The following IL31RA variants were observed in gnomAD, a reference collection of about 807,000 sequenced individuals.
IL31RA encodes the protein interleukin-31 receptor subunit alpha.
In IL31RA, 66 loss-of-function variants were observed where a neutral mutation model predicts 83.7. That is an observed-to-expected ratio of 0.79 (90% CI 0.65 to 0.97). IL31RA has a LOEUF of 0.97. Among genes scored for constraint, IL31RA ranks in the 50% least tolerant of loss-of-function variants. The probability of loss-of-function intolerance (pLI) is 0.00; values close to 1 mark genes in which losing one functional copy is unlikely to be tolerated. For missense variants in IL31RA, 798 were observed against 919.4 expected (o/e 0.87, Z 1.71); for synonymous variants, 325 against 329.0 (o/e 0.99, Z 0.13).
In IL31RA at chr5:55,853,136, A is replaced by C. The variant is rs1006149598; in HGVS notation, c.63+1503A>C. On this transcript the variant is annotated intron_variant, in intron 1 of 14. Transcript: ENST00000652347. Reference sequence around the variant, plus strand: ...TCTCCTTCATTGTCTAAAGACAGTTAACATGATTGCGTATTTCTCATTTCA... The same window carrying C: ...TCTCCTTCATTGTCTAAAGACAGTTCACATGATTGCGTATTTCTCATTTCA... Among the ~76,000 whole-genome samples, 11 of 152,330 alleles carry C rather than the reference A, an allele frequency of 7.2e-5. 1 individual carries two copies. The highest frequency in any genetic ancestry group is 6.8e-3 in the Middle Eastern group (2 of 294).
At chr5:55,865,277 C>A (rs761415062) in intron 2 of IL31RA, among the ~76,000 whole-genome samples, 1 of 152,184 alleles carries the variant, frequency 6.6e-6, no homozygotes, top group Non-Finnish European at 1.5e-5. Context: ...TTTCAGCATG[C>A]AAGTAGCAAA....
Position 55,916,876 on chromosome 5 carries a change from A to G in IL31RA, c.2051A>G (p.Lys684Arg), listed in dbSNP as rs1009185536. The change falls in exon 15 of 15, where the codon AAA (lysine) becomes AGA (arginine). Residue 684 changes from lysine (K) to arginine (R), a missense_variant. Lys to Arg is a conservative substitution (Grantham distance 26). Coordinates refer to ENST00000652347, the MANE Select transcript of IL31RA (RefSeq NM_139017.7). ...TTCAGGCCTGATTGTCCCCTGGGGA[A>G]AAGTTTTGAGGAGCTCCCAGTTTCA... ...CPFRPDCPLG[K>R]SFEELPVSPE... 5.6e-6 allele frequency: 9 copies of G among 1,614,176 alleles called. No individual in the cohort carries two copies. The highest frequency in any genetic ancestry group is 7.6e-6 in the Non-Finnish European group (9 of 1,180,026).
chr5:55,888,385 G>A (rs960940826), intron 5 of IL31RA, among the ~76,000 whole-genome samples: 2 of 152,158 alleles, frequency 1.3e-5, no homozygotes, highest in African/African-American at 2.4e-5. Flanking sequence ...CTCTGAGGCC[G>A]GGGCTGGGAG....
At chr5:55,882,183 G>A (rs186172607) in intron 4 of IL31RA, among the ~76,000 whole-genome samples, 77 of 152,286 alleles carry the variant, frequency 5.1e-4, no homozygotes, top group Non-Finnish European at 9.7e-4. Flanking sequence ...GTGGGGTGTA[G>A]GGGGAGCCCT....
intron 8 of IL31RA, among the ~76,000 whole-genome samples, chr5:55,902,141 A>G (rs998114619): frequency 2.0e-5 from 3 of 152,316 alleles, no homozygotes; most frequent in Non-Finnish European, 4.4e-5. Flanking sequence ...TTGTTATTGT[A>G]AATGAAGTTT....
intron 10 of IL31RA, 56 bp downstream of exon 10, chr5:55,907,516 G>T (rs1749234653): frequency 1.7e-6 from 2 of 1,161,674 alleles, no homozygotes; most frequent in Admixed American, 3.4e-5. Flanking sequence ...TGTCCCACAT[G>T]CCGATAAGGC....
At chr5:55,864,429 CCACACTACA>C (rs1745893664) in intron 2 of IL31RA, among the ~76,000 whole-genome samples, 1 of 148,632 alleles carries the variant, frequency 6.7e-6, no homozygotes, top group Admixed American at 6.7e-5. Context: ...ACCACACACC[CCACACTACA>C]CACACACACC....
chr5:55,884,234 G>A (rs116768963), intron 5 of IL31RA, among the ~76,000 whole-genome samples: 1,541 of 152,166 alleles, frequency 0.01, 30 homozygotes, highest in African/African-American at 0.036. Flanking sequence ...GTGGCATGAC[G>A]TTTCACTCTC....
At chr5:55,905,757 C>T (rs1749109652) in intron 8 of IL31RA, among the ~76,000 whole-genome samples, 1 of 152,250 alleles carries the variant, frequency 6.6e-6, no homozygotes, top group East Asian at 1.9e-4. Context: ...GCCTGAAATT[C>T]TACCTTTGGA....
At chr5:55,860,607 G>T (rs1324486822) in intron 2 of IL31RA, among the ~76,000 whole-genome samples, 1 of 152,146 alleles carries the variant, frequency 6.6e-6, no homozygotes, top group East Asian at 1.9e-4. Flanking sequence ...CATACTATTT[G>T]CCATAAAGGG....
rs1040949694 is a variant in IL31RA at position 55,918,443 on chromosome 5, A to T, written c.*1323A>T. On this transcript the variant is annotated 3_prime_UTR_variant, in exon 15 of 15. Coordinates refer to ENST00000652347, the MANE Select transcript of IL31RA (RefSeq NM_139017.7). ...TTGCCAGCCTGAGACCTGACACTTCAAAGTAACCTCAGCCCAGTATGATGA... is the reference window on the plus strand; with the variant it reads ...TTGCCAGCCTGAGACCTGACACTTCTAAGTAACCTCAGCCCAGTATGATGA... 1.7e-4 allele frequency among the ~76,000 whole-genome samples: 26 copies of T among 152,306 alleles called. 1 individual carries two copies. The highest frequency in any genetic ancestry group is 1.4e-3 in the Admixed American group (21 of 15,298).
chr5:55,847,245 AAATAAAT>A (rs1561530247), upstream of IL31RA, among the ~76,000 whole-genome samples: 3 of 18,188 alleles, frequency 1.6e-4, no homozygotes, highest in African/African-American at 3.4e-4. Flanking sequence ...AAAAAAATAA[AAATAAAT>A]AAATAAATAA....
chr5:55,855,653 C>T (rs1023832357), intron 1 of IL31RA, among the ~76,000 whole-genome samples: 6 of 152,108 alleles, frequency 3.9e-5, no homozygotes, highest in African/African-American at 1.4e-4. Context: ...AGTAAAACAG[C>T]CACACTCTAT....
chr5:55,860,691 A>T (rs1328100380), intron 2 of IL31RA, among the ~76,000 whole-genome samples: 1 of 152,242 alleles, frequency 6.6e-6, no homozygotes, highest in Non-Finnish European at 1.5e-5. Flanking sequence ...TAGCTTGTAG[A>T]TCTAAGATCC....
rs70995744 is a variant in IL31RA, at chr5:55,881,301, C to CA, written c.455-1732dup. On this transcript the variant is annotated intron_variant, in intron 4 of 14. Transcript: ENST00000652347. ...TGGGTGACAGAGCAAGGCTCCATCT[C>CA]AAAAAAAAAAAGAAAAAGATAAAGA... Among the ~76,000 whole-genome samples the CA allele has an allele frequency of 4.0e-3, 561 of 138,872 alleles. 1 individual carries two copies. Among genetic ancestry groups the CA allele is most frequent in the Non-Finnish European group, 6.5e-3 (415 of 64,042 alleles). The allele number at this position is 138,872 out of a possible 152,430, so 91.1% of individuals were successfully genotyped here. A position where few individuals can be genotyped will look rare whatever the true frequency, so the allele number is the denominator to read the frequency against.
At position 55,914,937 on chromosome 5, in the gene IL31RA, T is replaced by A; in HGVS notation, c.1818+9T>A. 1 of 1,596,208 alleles carries A rather than the reference T, an allele frequency of 6.3e-7. No homozygotes were observed. Among genetic ancestry groups the A allele is most frequent in the South Asian group, 1.1e-5 (1 of 90,692 alleles). ...ATGGAGATGATTTCAAGGTAAACTC[T>A]CCTGTTTTTATTAAGGAAATCATTG... On this transcript the variant is annotated intron_variant, in intron 14 of 14. Transcript: ENST00000652347.
rs969187691 is a variant in IL31RA at position 55,920,282 on chromosome 5, C to A, written c.*3162C>A. 1.3e-5 allele frequency among the ~76,000 whole-genome samples: 2 copies of A among 152,228 alleles called. No individual in the cohort carries two copies. The highest frequency in any genetic ancestry group is 2.9e-5 in the Non-Finnish European group (2 of 68,046). ...CCTGTCCACCCCAGTCTGATTCTGT[C>A]CCCATTTCCAGCACGCCCCTAGTTA... On this transcript the variant is annotated 3_prime_UTR_variant, in exon 15 of 15. Coordinates refer to ENST00000652347, the MANE Select transcript of IL31RA (RefSeq NM_139017.7).
At chr5:55,901,107 C>T (rs1037508086) in intron 8 of IL31RA, among the ~76,000 whole-genome samples, 1 of 152,160 alleles carries the variant, frequency 6.6e-6, no homozygotes, top group African/African-American at 2.4e-5. Context: ...TCCTTAAACC[C>T]TCATTTTATA....
chr5:55,900,329 G>A (rs775061745), intron 8 of IL31RA, among the ~76,000 whole-genome samples, 197 bp downstream of exon 8: 5 of 152,198 alleles, frequency 3.3e-5, no homozygotes, highest in Non-Finnish European at 7.3e-5. Flanking sequence ...TTGGAACAAA[G>A]CCTGCGTTAA....
Sources: gnomAD v4.1 joint callset for allele counts (sites outside exome capture counted in the v4.1 genomes callset) on GRCh38, gnomAD v4.1.1 for gene constraint, MANE v1.5 for transcripts, NCBI Gene and HGNC (gene_info 2026-07-23, HGNC 2026-07-21) for gene names.